PHEX: variants seen among roughly 807,000 people sequenced by gnomAD.
PHEX encodes the protein phosphate regulating endopeptidase X-linked, also known as phosphate-regulating neutral endopeptidase PHEX.
PHEX carries 16 observed loss-of-function variants against 68.0 expected under a neutral mutation model. The ratio of observed to expected loss-of-function variants is 0.24; its 90% CI spans 0.16 to 0.36. The LOEUF is 0.36. Among genes scored for constraint, PHEX ranks in the 10% least tolerant of loss-of-function variants. The pLI is 1.00. For missense variants in PHEX, 480 were observed against 575.5 expected, an observed-to-expected ratio of 0.83 and a Z score of 1.70; for synonymous variants, 208 against 205.1, an observed-to-expected ratio of 1.01 and a Z score of -0.12.
chrX:22,097,396 T>C (rs1930189542), intron 8 of PHEX, among the ~76,000 whole-genome samples: 1 of 112,440 alleles, frequency 8.9e-6, no homozygotes, highest in Admixed American at 9.4e-5. Flanking sequence ...TTTGACTTCA[T>C]GTTTGATGAC....
intron 12 of PHEX, among the ~76,000 whole-genome samples, chrX:22,149,235 G>T (rs1332138463): frequency 9.0e-6 from 1 of 111,484 alleles, no homozygotes; most frequent in Non-Finnish European, 1.9e-5. Context: ...CTCATTGGCA[G>T]TCTTAGTGAA....
intron 13 of PHEX, among the ~76,000 whole-genome samples, chrX:22,174,124 C>G (rs899799550): frequency 3.6e-5 from 4 of 111,677 alleles, no homozygotes; most frequent in Non-Finnish European, 7.5e-5. Flanking sequence ...ATGATCGGGA[C>G]AGCTGTTCCT....
intron 14 of PHEX, among the ~76,000 whole-genome samples, chrX:22,189,880 ACT>A (rs1264050299): frequency 9.0e-6 from 1 of 111,464 alleles, no homozygotes; most frequent in Non-Finnish European, 1.9e-5. Context: ...AAGGTAGGTG[ACT>A]CTTCCCACAC....
At chrX:22,190,207 A>G (rs1043154813) in intron 14 of PHEX, among the ~76,000 whole-genome samples, 1 of 112,332 alleles carries the variant, frequency 8.9e-6, no homozygotes, top group Non-Finnish European at 1.9e-5. Flanking sequence ...TTAAGTTAGT[A>G]ACAATAAATA....
chrX:22,183,189 C>A (rs1240970291), intron 14 of PHEX, among the ~76,000 whole-genome samples: 2 of 110,913 alleles, frequency 1.8e-5, no homozygotes, highest in Non-Finnish European at 3.8e-5. Flanking sequence ...TTTCAAGTCC[C>A]TGTTCTGTCC....
chrX:22,191,214 G>A (rs1462494027), intron 15 of PHEX, among the ~76,000 whole-genome samples: 1 of 111,045 alleles, frequency 9.0e-6, no homozygotes, highest in African/African-American at 3.3e-5. Flanking sequence ...TTTTAGCAGA[G>A]ATGGGGTTTT....
At chrX:22,196,706 TAAAC>T (rs1278851186) in intron 15 of PHEX, among the ~76,000 whole-genome samples, 2 of 112,624 alleles carry the variant, frequency 1.8e-5, no homozygotes, top group Non-Finnish European at 3.7e-5. Flanking sequence ...AGAAGTATCT[TAAAC>T]AGATAAGATC....
chrX:22,187,292 T>C, intron 14 of PHEX, among the ~76,000 whole-genome samples: 1 of 111,721 alleles, frequency 9.0e-6, no homozygotes, highest in Non-Finnish European at 1.9e-5. Flanking sequence ...TTTCTGATTG[T>C]AGGGGTAAGG....
intron 3 of PHEX, among the ~76,000 whole-genome samples, chrX:22,067,823 C>T (rs1928675625): frequency 1.8e-5 from 2 of 110,005 alleles, no homozygotes; most frequent in Admixed American, 9.6e-5. Flanking sequence ...TAACAAGCTC[C>T]CATTTTTTTT....
At chrX:22,104,388 C>G (rs1602297355) in intron 9 of PHEX, among the ~76,000 whole-genome samples, 1 of 109,483 alleles carries the variant, frequency 9.1e-6, no homozygotes, top group South Asian at 4.1e-4. Flanking sequence ...CAGGGAGGGA[C>G]CCTTGGAGGA....
At chrX:22,227,100 AT>A (rs1367221726) in intron 19 of PHEX, among the ~76,000 whole-genome samples, 6 of 112,402 alleles carry the variant, frequency 5.3e-5, no homozygotes, top group Non-Finnish European at 1.1e-4. Flanking sequence ...AATATACTTT[AT>A]TTTATAAAAT....
chrX:22,210,940 A>G (rs908367418), intron 15 of PHEX, among the ~76,000 whole-genome samples: 4 of 108,165 alleles, frequency 3.7e-5, no homozygotes, highest in Admixed American at 9.8e-5. Context: ...GACATGGAGG[A>G]GAGAGAGAAA....
intron 3 of PHEX, among the ~76,000 whole-genome samples, chrX:22,066,516 G>C (rs1315304899): frequency 8.9e-6 from 1 of 112,444 alleles, no homozygotes; most frequent in Non-Finnish European, 1.9e-5. Flanking sequence ...AGTCATGGCA[G>C]CTACTGGTGG....
intron 15 of PHEX, among the ~76,000 whole-genome samples, chrX:22,200,615 AAAAATAAAAAAT>A (rs1327017351): frequency 2.4e-4 from 27 of 111,233 alleles, no homozygotes; most frequent in African/African-American, 7.8e-4. Context: ...TCTCAAAAAT[AAAAATAAAAAAT>A]AAAATAAAAA....
intron 10 of PHEX, among the ~76,000 whole-genome samples, chrX:22,113,005 TTGTGTG>T (rs560422828): frequency 0.014 from 1,255 of 88,654 alleles, 14 homozygotes; most frequent in East Asian, 0.061. Flanking sequence ...CAAGTAGGTT[TTGTGTG>T]TGTGTGTGTG....
In PHEX at chrX:22,185,756, G is replaced by GTTTTTTTTTTTTTTTTTTT. The variant is rs3085228; in HGVS notation, c.1587-4671_1587-4670insTTTTTTTTTTTTTTTTTTT. ...CTCAGCTGCATGGTTCTCGTTTGTG[G>GTTTTTTTTTTTTTTTTTTT]TTTTTTTTTTTTTTTTTGGACACAG... On this transcript the variant is annotated intron_variant, in intron 14 of 21. Transcript: ENST00000379374. 2.1e-3 allele frequency among the ~76,000 whole-genome samples: 180 copies of GTTTTTTTTTTTTTTTTTTT among 87,750 alleles called. 23 individuals carry two copies. Among genetic ancestry groups the GTTTTTTTTTTTTTTTTTTT allele is most frequent in the African/African-American group, 8.9e-3 (178 of 19,926 alleles). 76.2% of individuals were successfully genotyped at this position (87,750 alleles called of 115,157 possible). A position where few individuals can be genotyped will look rare whatever the true frequency, so the allele number is the denominator to read the frequency against.
chrX:22,086,601 C>T (rs767859470), intron 5 of PHEX, among the ~76,000 whole-genome samples: 1 of 111,198 alleles, frequency 9.0e-6, no homozygotes, highest in East Asian at 2.8e-4. Flanking sequence ...CTGATTCATC[C>T]TTATATTTGA....
chrX:22,074,626 A>G (rs1194607810), intron 3 of PHEX, among the ~76,000 whole-genome samples: 2 of 111,195 alleles, frequency 1.8e-5, no homozygotes, highest in African/African-American at 6.6e-5. Flanking sequence ...CCTAAATGAA[A>G]TTTGGATTAT....
intron 15 of PHEX, among the ~76,000 whole-genome samples, chrX:22,191,445 G>C (rs145901165): frequency 0.052 from 5,882 of 112,476 alleles, 152 homozygotes; most frequent in Middle Eastern, 0.075. Flanking sequence ...CCACTTTGCA[G>C]GGCAATTTGA....
Sources: allele counts gnomAD v4.1 joint callset (sites outside exome capture counted in the v4.1 genomes callset), GRCh38; gene constraint gnomAD v4.1.1; transcripts MANE v1.5; gene names NCBI Gene and HGNC (gene_info 2026-07-23, HGNC 2026-07-21).